Variants in TOGARAM2 observed in about 807,000 individuals in gnomAD.
The protein encoded by TOGARAM2 is TOG array regulator of axonemal microtubules 2.
A neutral mutation model predicts 93.3 loss-of-function variants in TOGARAM2; 85 were observed. The ratio of observed to expected loss-of-function variants is 0.91; its 90% confidence interval spans 0.76 to 1.09. The LOEUF (loss-of-function observed/expected upper bound fraction) is 1.09, where lower values mean the gene tolerates loss of function less well. Ranked by LOEUF, TOGARAM2 falls within the 50% of genes least tolerant of loss-of-function variation. TOGARAM2 has a pLI of 0.00. For synonymous variants in TOGARAM2, 593 were observed against 552.8 expected, an observed-to-expected ratio of 1.07 and a Z score of -1.02; for missense variants, 1,277 against 1,334.5, an observed-to-expected ratio of 0.96 and a Z score of 0.67.
upstream of TOGARAM2, among the ~76,000 whole-genome samples, chr2:28,979,766 T>G (rs1464944190): frequency 2.0e-5 from 3 of 152,198 alleles, no homozygotes; most frequent in Non-Finnish European, 4.4e-5. Flanking sequence ...GTGCTAAGTC[T>G]GGCCCTTACA....
At chr2:28,984,314 C>A (rs1672367553) in intron 1 of TOGARAM2, among the ~76,000 whole-genome samples, 1 of 152,102 alleles carries the variant, frequency 6.6e-6, no homozygotes, top group African/African-American at 2.4e-5. Context: ...CCTGGAGAGG[C>A]ACACACAAAA....
At chr2:29,013,230 G>A (rs1414095529) in intron 7 of TOGARAM2, among the ~76,000 whole-genome samples, 1 of 152,196 alleles carries the variant, frequency 6.6e-6, no homozygotes, top group East Asian at 1.9e-4. Flanking sequence ...GAATGACAAA[G>A]CAATACTGTG....
intron 6 of TOGARAM2, among the ~76,000 whole-genome samples, chr2:29,008,909 T>C (rs1273527930): frequency 6.6e-6 from 1 of 152,182 alleles, no homozygotes; most frequent in Non-Finnish European, 1.5e-5. Context: ...TCCTGTTTGG[T>C]TTGTGACATG....
intron 1 of TOGARAM2, among the ~76,000 whole-genome samples, chr2:28,987,642 A>G (rs1672529157): frequency 6.6e-6 from 1 of 152,174 alleles, no homozygotes. Context: ...TTACTGCATT[A>G]TTGCCATGAA....
intron 6 of TOGARAM2, among the ~76,000 whole-genome samples, chr2:29,009,514 G>T (rs1215247594): frequency 6.6e-6 from 1 of 151,572 alleles, no homozygotes; most frequent in Non-Finnish European, 1.5e-5. Flanking sequence ...GAGTCTGTGG[G>T]CTGAGGATGC....
chr2:29,025,053 A>G (rs1285097715), intron 13 of TOGARAM2, among the ~76,000 whole-genome samples: 2 of 152,300 alleles, frequency 1.3e-5, no homozygotes, highest in East Asian at 3.9e-4. Context: ...TCTCCACCCC[A>G]TAAGTGGATC....
upstream of TOGARAM2, among the ~76,000 whole-genome samples, chr2:28,976,319 T>C (rs539619543): frequency 2.6e-3 from 401 of 152,238 alleles, 1 homozygote; most frequent in African/African-American, 8.7e-3. Context: ...TGCAGTGAGC[T>C]GAGATCACAC....
At chr2:29,036,794 C>G in intron 18 of TOGARAM2, 37 bp downstream of exon 18, 2 of 1,573,826 alleles carry the variant, frequency 1.3e-6, no homozygotes, top group Non-Finnish European at 1.7e-6. Context: ...GCTCTGGTCA[C>G]CATGTCCACC....
chr2:29,041,341 G>T (rs888266016), intron 18 of TOGARAM2, among the ~76,000 whole-genome samples: 2 of 152,138 alleles, frequency 1.3e-5, no homozygotes, highest in Non-Finnish European at 1.5e-5. Context: ...ACTTTTAACA[G>T]CTCCATCACG....
In TOGARAM2 at chr2:28,959,609, C is replaced by T. The variant is rs554298113; in HGVS notation, c.-147+2912C>T. On this transcript the variant is annotated intron_variant, in intron 1 of 6. Coordinates refer to the TOGARAM2 transcript ENST00000401723. ...TCTACTAAAAATACAAAAAATTAGC[C>T]GGGCGTAGTGGCGGGCGCCTGTAGT... Among the ~76,000 whole-genome samples, 157 of 152,120 alleles carry T rather than the reference C, an allele frequency of 1.0e-3. 4 individuals are homozygous for T. The East Asian group carries it at 0.022, about 21-fold the overall frequency.
At chr2:29,047,404 C>G (rs1013478766) in intron 19 of TOGARAM2, 4 of 152,230 alleles carry the variant, frequency 2.6e-5, no homozygotes, top group African/African-American at 9.6e-5. Flanking sequence ...TGTCTATTTC[C>G]AAGAGACCTC....
At chr2:29,034,770 G>A (rs966116253) in intron 16 of TOGARAM2, among the ~76,000 whole-genome samples, 4 of 152,164 alleles carry the variant, frequency 2.6e-5, no homozygotes, top group East Asian at 3.9e-4. Context: ...TGTGAGCAGA[G>A]CCTAGCCAGC....
In TOGARAM2 at chr2:29,011,538, G is replaced by A. The variant is rs1268456495; in HGVS notation, c.877+37G>A. The A allele has an allele frequency of 1.9e-6, 3 of 1,576,922 alleles. No individual in the cohort carries two copies. The East Asian group carries it at 7.2e-5, about 38-fold the overall frequency. ...CCATGCACACCTCCCTTTGTTATTT[G>A]ACTCTCTACATTCCTGGGCTGGGTC... On this transcript the variant is annotated intron_variant, in intron 7 of 19. Coordinates refer to ENST00000379558, the MANE Select transcript of TOGARAM2 (RefSeq NM_199280.4).
chr2:28,963,713 AGAATGTGTACCTGGCC>A (rs1288367540), intron 1 of TOGARAM2, among the ~76,000 whole-genome samples: 11 of 152,188 alleles, frequency 7.2e-5, no homozygotes, highest in Admixed American at 2.0e-4. Context: ...GTACTTGAAA[AGAATGTGTACCTGGCC>A]GAATGCGGTG....
intron 1 of TOGARAM2, among the ~76,000 whole-genome samples, chr2:28,974,453 C>A (rs950356466): frequency 1.3e-5 from 2 of 152,044 alleles, no homozygotes; most frequent in African/African-American, 4.8e-5. Context: ...CTTCTTGGAT[C>A]TGTAGATTAG....
chr2:28,957,118 C>CA (rs552674230), intron 1 of TOGARAM2, among the ~76,000 whole-genome samples: 87 of 151,798 alleles, frequency 5.7e-4, no homozygotes, highest in African/African-American at 1.9e-3. Flanking sequence ...AAACAAAAAA[C>CA]AAAAAACGAA....
intron 8 of TOGARAM2, among the ~76,000 whole-genome samples, chr2:29,016,093 A>G (rs1233926551): frequency 6.6e-6 from 1 of 152,156 alleles, no homozygotes; most frequent in East Asian, 1.9e-4. Flanking sequence ...CAACCCTTGA[A>G]TGCTCACCTC....
In TOGARAM2 at chr2:29,023,117, C is replaced by T. The variant is rs929758807; in HGVS notation, c.1543C>T (p.Gln515Ter). 1 of 1,600,232 alleles carries T rather than the reference C, an allele frequency of 6.2e-7. No individual in the cohort carries two copies. Residue 515 changes from glutamine to a stop codon, truncating the protein, a stop_gained, in exon 12 of 20, where the codon CAG (glutamine) becomes TAG (stop). Transcript: ENST00000379558. LOFTEE classifies it high-confidence loss of function. The part of the protein sequence containing the change: ...QMKEKGLVSI[Q>*]RLAACHSEVL... The stretch of plus-strand genomic sequence containing the variant: ...GAAGGAGAAGGGTCTGGTGAGCATC[C>T]AGCGCTTGGCAGCCTGTCACTCAGA...
At chr2:28,994,444 T>C (rs954339430) in intron 1 of TOGARAM2, among the ~76,000 whole-genome samples, 1 of 152,142 alleles carries the variant, frequency 6.6e-6, no homozygotes, top group Non-Finnish European at 1.5e-5. Context: ...AAAAATCATC[T>C]TTCCCCGCGA....
Sources: gnomAD v4.1 joint callset for allele counts (sites outside exome capture counted in the v4.1 genomes callset) on GRCh38, gnomAD v4.1.1 for gene constraint, MANE v1.5 for transcripts, NCBI Gene and HGNC (gene_info 2026-07-23, HGNC 2026-07-21) for gene names.